The following MTAP variants were observed in gnomAD, a reference collection of about 807,000 sequenced individuals.
MTAP encodes S-methyl-5'-thioadenosine phosphorylase.
A neutral mutation model predicts 33.6 loss-of-function variants in MTAP; 33 were observed. The observed-to-expected ratio is 0.98, with a 90% CI of 0.74 to 1.31. The LOEUF is 1.31. MTAP is among the 40% of genes most tolerant of loss of function. The pLI is 0.00. For missense variants in MTAP, 367 were observed against 360.0 expected (o/e 1.02, Z -0.16); for synonymous variants, 148 against 125.7 (o/e 1.18, Z -1.19).
chr9:21,915,000 TTTCCTTCCTTCCTTCC>T lies in MTAP; in HGVS notation c.148-15965_148-15950del, dbSNP rs367599453. 5.6e-3 allele frequency among the ~76,000 whole-genome samples: 468 copies of T among 83,784 alleles called. 17 individuals are homozygous for T. The highest frequency in any genetic ancestry group is 0.02 in the East Asian group (35 of 1,780). The allele number at this position is 83,784 out of a possible 152,430, so 55.0% of individuals were successfully genotyped here. On this transcript the variant is annotated intron_variant, in intron 1 of 1. Transcript: ENST00000577563. The stretch of plus-strand genomic sequence containing the variant: ...TAGCACATATCAATACTTTGTTTTC[TTTCCTTCCTTCCTTCC>T]TTCCTTCCTTCCTTCCTTCCTTCCT...
intron 5 of MTAP, among the ~76,000 whole-genome samples, chr9:21,854,320 T>C (rs1049390655): frequency 1.3e-5 from 2 of 152,210 alleles, no homozygotes; most frequent in Non-Finnish European, 2.9e-5. Flanking sequence ...CTTAAAGTTG[T>C]TAAGAAGCAA....
intron 1 of MTAP, among the ~76,000 whole-genome samples, chr9:21,905,207 A>G (rs1818455992): frequency 6.6e-6 from 1 of 152,154 alleles, no homozygotes; most frequent in South Asian, 2.1e-4. Context: ...GTGGGCTTGG[A>G]GAATGAGTGC....
At chr9:21,861,732 G>A in intron 7 of MTAP, 1 of 538,626 alleles carries the variant, frequency 1.9e-6, no homozygotes, top group Non-Finnish European at 3.3e-6. Context: ...TCAGAACAAT[G>A]CTCTGAGATA....
At chr9:21,880,880 G>C (rs930843105) in intron 1 of MTAP, among the ~76,000 whole-genome samples, 2 of 151,888 alleles carry the variant, frequency 1.3e-5, no homozygotes, top group African/African-American at 4.8e-5. Flanking sequence ...AATCTCAATG[G>C]CATTTTTTTT....
At chr9:21,803,693 C>T (rs572968971) in intron 1 of MTAP, among the ~76,000 whole-genome samples, 33 of 151,092 alleles carry the variant, frequency 2.2e-4, no homozygotes, top group Middle Eastern at 6.8e-3. Context: ...AAACTTAAGA[C>T]CTCTTCTAGG....
Position 21,894,138 on chromosome 9 carries a change from A to G in MTAP, c.148-36870A>G, listed in dbSNP as rs143836565. 6.2e-3 allele frequency among the ~76,000 whole-genome samples: 948 copies of G among 152,264 alleles called. 7 individuals are homozygous for G. The highest frequency in any genetic ancestry group is 0.021 in the East Asian group (107 of 5,170). On this transcript the variant is annotated intron_variant, in intron 1 of 1. Transcript: ENST00000577563. Reference sequence around the variant, plus strand: ...TATGATTTGTCACAAAAGCAAAGCAAAAAACAAATACCACATTATCATTTC... The same window carrying G: ...TATGATTTGTCACAAAAGCAAAGCAGAAAACAAATACCACATTATCATTTC...
downstream of MTAP, among the ~76,000 whole-genome samples, chr9:21,868,524 A>G (rs1342596524): frequency 6.6e-6 from 1 of 152,170 alleles, no homozygotes; most frequent in Non-Finnish European, 1.5e-5. Context: ...AGCTTTTGTA[A>G]AGGCAGGAGT....
At chr9:21,901,985 G>A (rs1342838148) in intron 1 of MTAP, among the ~76,000 whole-genome samples, 1 of 152,200 alleles carries the variant, frequency 6.6e-6, no homozygotes, top group African/African-American at 2.4e-5. Context: ...GAGGCAACAT[G>A]TTAAGTCCAC....
At chr9:21,937,311 C>T (rs1338736376) in exon 8 of MTAP, 1 of 152,030 alleles carries the variant, frequency 6.6e-6, no homozygotes. Context: ...TGCACTCCAG[C>T]CTGGCGACAC....
intron 1 of MTAP, among the ~76,000 whole-genome samples, chr9:21,808,160 C>T (rs753997943): frequency 4.6e-5 from 7 of 152,298 alleles, no homozygotes; most frequent in South Asian, 2.1e-4. Context: ...AGATGTCCAC[C>T]GAAGTTTGAC....
At chr9:21,920,416 A>G (rs960864035) in intron 1 of MTAP, among the ~76,000 whole-genome samples, 1 of 152,180 alleles carries the variant, frequency 6.6e-6, no homozygotes, top group African/African-American at 2.4e-5. Flanking sequence ...ACCATAAACA[A>G]TTGCAGGCAC....
intron 1 of MTAP, among the ~76,000 whole-genome samples, chr9:21,883,833 C>G (rs1301959210): frequency 1.3e-5 from 2 of 151,910 alleles, no homozygotes. Flanking sequence ...GGGATGAAAG[C>G]AGAAGACCAG....
At chr9:21,809,638 CAA>C (rs34912134) in intron 1 of MTAP, among the ~76,000 whole-genome samples, 11 of 124,212 alleles carry the variant, frequency 8.9e-5, no homozygotes, top group Admixed American at 2.5e-4. Flanking sequence ...GACTCCGTCT[CAA>C]AAAAAAAAAA....
At chr9:21,805,917 G>T (rs1305004160) in intron 1 of MTAP, among the ~76,000 whole-genome samples, 1 of 152,206 alleles carries the variant, frequency 6.6e-6, no homozygotes, top group Non-Finnish European at 1.5e-5. Context: ...AAGACCTGAG[G>T]AGAGAGATGG....
intron 1 of MTAP, among the ~76,000 whole-genome samples, chr9:21,907,551 T>A (rs1818495157): frequency 6.6e-6 from 1 of 152,208 alleles, no homozygotes; most frequent in Non-Finnish European, 1.5e-5. Context: ...AGTCAGAGCC[T>A]GTCTCAAAAA....
At chr9:21,861,895 C>G in intron 7 of MTAP, 81 bp from the exon 8 acceptor site, 2 of 914,226 alleles carry the variant, frequency 2.2e-6, no homozygotes, top group African/African-American at 3.3e-5. Context: ...TCTAGAAAAT[C>G]AAAATCTGTT....
downstream of MTAP, among the ~76,000 whole-genome samples, chr9:21,939,421 A>G (rs940277184): frequency 2.6e-5 from 4 of 152,230 alleles, no homozygotes; most frequent in Admixed American, 2.0e-4. Context: ...AGCTATCTAT[A>G]GCTTACAGAA....
intron 5 of MTAP, among the ~76,000 whole-genome samples, chr9:21,839,290 G>C (rs1432321232): frequency 6.6e-6 from 1 of 151,848 alleles, no homozygotes; most frequent in Non-Finnish European, 1.5e-5. Flanking sequence ...CTGAAGCACA[G>C]ATCTGTCCAC....
rs3802392 is a variant in MTAP at position 21,854,921 on chromosome 9, A to G, written c.690+51A>G. 7,153 of 1,598,414 alleles carry G rather than the reference A, an allele frequency of 4.5e-3. 128 individuals are homozygous for G. The East Asian group carries it at 0.054, about 12-fold the overall frequency. ...ATATAGCATGGGTTTCTGGGTGCCA[A>G]TAGGGTGTCTTAACTGTTTGTTTCT... On this transcript the variant is annotated intron_variant, in intron 6 of 7. Transcript: ENST00000644715.
Sources: gnomAD v4.1 joint callset for allele counts (sites outside exome capture counted in the v4.1 genomes callset) on GRCh38, gnomAD v4.1.1 for gene constraint, MANE v1.5 for transcripts, NCBI Gene and HGNC (gene_info 2026-07-23, HGNC 2026-07-21) for gene names.